Variants in NTN4 observed in about 807,000 individuals in gnomAD.
NTN4 encodes netrin-4.
A neutral mutation model predicts 73.6 loss-of-function variants in NTN4; 32 were observed. The ratio of observed to expected loss-of-function variants is 0.44; its 90% CI spans 0.33 to 0.58. The LOEUF is 0.58. NTN4 is among the 20% of genes least tolerant of loss of function. The probability of loss-of-function intolerance (pLI) is 0.04; values close to 1 mark genes in which losing one functional copy is unlikely to be tolerated. For missense variants in NTN4, 654 were observed against 798.3 expected (o/e 0.82, Z 2.18); for synonymous variants, 258 against 287.5 (o/e 0.90, Z 1.04).
chr12:95,785,925 G>A (rs888477643), intron 2 of NTN4, among the ~76,000 whole-genome samples: 4 of 152,108 alleles, frequency 2.6e-5, no homozygotes, highest in African/African-American at 9.7e-5. Flanking sequence ...GGTGGGGAAC[G>A]CTATTTTGTG....
intron 2 of NTN4, among the ~76,000 whole-genome samples, chr12:95,786,576 C>T (rs2079168760): frequency 6.6e-6 from 1 of 151,920 alleles, no homozygotes; most frequent in South Asian, 2.1e-4. Context: ...CAGGAAGATA[C>T]CCGTGTGGGC....
chr12:95,721,415 A>G (rs2078646883), intron 3 of NTN4, among the ~76,000 whole-genome samples: 1 of 152,120 alleles, frequency 6.6e-6, no homozygotes, highest in African/African-American at 2.4e-5. Flanking sequence ...ATACTTTTTG[A>G]TCTTCACTGG....
intron 8 of NTN4, 93 bp downstream of exon 8, chr12:95,669,985 A>T (rs1174033605): frequency 1.5e-6 from 1 of 663,578 alleles, no homozygotes; most frequent in Non-Finnish European, 2.6e-6. Flanking sequence ...TCATTTATAC[A>T]CAATGTCATC....
intron 3 of NTN4, among the ~76,000 whole-genome samples, chr12:95,719,215 G>A (rs2078628719): frequency 6.6e-6 from 1 of 152,128 alleles, no homozygotes; most frequent in Non-Finnish European, 1.5e-5. Flanking sequence ...TTGTGCTACT[G>A]TGTCATTATT....
Position 95,759,490 on chromosome 12 carries a change from TG to T in NTN4, c.586-21347del, listed in dbSNP as rs373367760. Reference sequence around the variant, plus strand: ...TACTGTCAGTCCCTAGTAGTATTTTTGTTTTTTTTTTTTTTTGAGATGGGGT... The same window carrying T: ...TACTGTCAGTCCCTAGTAGTATTTTTTTTTTTTTTTTTTTTGAGATGGGGT... On this transcript the variant is annotated intron_variant, in intron 2 of 9. Transcript: ENST00000343702. 2.7e-3 allele frequency among the ~76,000 whole-genome samples: 367 copies of T among 134,424 alleles called. 12 individuals are homozygous for T. Among genetic ancestry groups the T allele is most frequent in the East Asian group, 0.018 (88 of 4,996 alleles). The allele number at this position is 134,424 out of a possible 152,430, so 88.2% of individuals were successfully genotyped here.
chr12:95,699,103 CACAA>C (rs2078463893), intron 5 of NTN4, among the ~76,000 whole-genome samples: 2 of 150,832 alleles, frequency 1.3e-5, no homozygotes, highest in South Asian at 2.1e-4. Flanking sequence ...GTGTGGTTTC[CACAA>C]ACAGTTACTT....
chr12:95,723,485 A>C (rs2078665432), intron 3 of NTN4, among the ~76,000 whole-genome samples: 1 of 151,904 alleles, frequency 6.6e-6, no homozygotes, highest in African/African-American at 2.4e-5. Context: ...CTTCATATTG[A>C]CTTGTTTTGC....
In NTN4 at chr12:95,713,315, C is replaced by T. The variant is rs1400366864; in HGVS notation, c.888G>A (p.Lys296=). 6.2e-7 allele frequency: 1 copy of T among 1,605,820 alleles called. No homozygotes were observed. Among genetic ancestry groups the T allele is most frequent in the African/African-American group, 1.3e-5 (1 of 74,930 alleles). The part of the protein sequence containing the change: ...FHMVHGKCMC[K]HNTAGSHCQH... Reference sequence around the variant, plus strand: ...GGCAGTGGCTGCCTGCTGTGTTGTGCTTACACATACACTTCCCATGGACCT... The same window carrying T: ...GGCAGTGGCTGCCTGCTGTGTTGTGTTTACACATACACTTCCCATGGACCT... The change falls in exon 4 of 10, where the codon AAG becomes AAA. Residue 296 remains lysine, a synonymous_variant. Coordinates refer to ENST00000343702, the MANE Select transcript of NTN4 (RefSeq NM_021229.4).
chr12:95,688,643 T>C (rs1324296343), intron 5 of NTN4, among the ~76,000 whole-genome samples: 1 of 151,996 alleles, frequency 6.6e-6, no homozygotes, highest in East Asian at 1.9e-4. Context: ...GAGGGCTAGA[T>C]GAAACTTCCC....
intron 5 of NTN4, among the ~76,000 whole-genome samples, chr12:95,702,364 A>C (rs992799322): frequency 2.6e-5 from 4 of 151,940 alleles, no homozygotes; most frequent in Non-Finnish European, 5.9e-5. Flanking sequence ...ACAGGAAAAA[A>C]CAGAAACAGC....
rs1206859752 is a variant in NTN4 at position 95,682,839 on chromosome 12, T to C, written c.1395-17A>G. ...TCTGTGTGGCTAACAAAATAGAACA[T>C]GATAAAGAACGTATTCAGGAATTTT... On this transcript the variant is annotated splice_polypyrimidine_tract_variant and intron_variant, in intron 6 of 9. Transcript: ENST00000343702. 4.0e-6 allele frequency: 6 copies of C among 1,486,990 alleles called. No homozygotes were observed. Among genetic ancestry groups the C allele is most frequent in the East Asian group, 2.3e-5 (1 of 44,118 alleles). 92.1% of individuals were successfully genotyped at this position (1,486,990 alleles called of 1,614,324 possible). A position where few individuals can be genotyped will look rare whatever the true frequency, so the allele number is the denominator to read the frequency against.
intron 2 of NTN4, among the ~76,000 whole-genome samples, chr12:95,777,965 C>T (rs1378243872): frequency 2.6e-5 from 4 of 152,186 alleles, no homozygotes; most frequent in Non-Finnish European, 5.9e-5. Context: ...AACTGTCTCT[C>T]AGACCACAGT....
At chr12:95,786,889 T>A (rs563368928) in intron 2 of NTN4, 50 bp downstream of exon 2, 1 of 1,493,014 alleles carries the variant, frequency 6.7e-7, no homozygotes, top group East Asian at 2.3e-5. Flanking sequence ...TGCGGGCTGG[T>A]AACATTTTTC....
intron 9 of NTN4, among the ~76,000 whole-genome samples, chr12:95,664,144 C>G (rs1199998092): frequency 6.6e-6 from 1 of 152,058 alleles, no homozygotes; most frequent in African/African-American, 2.4e-5. Flanking sequence ...GTTTTGACCT[C>G]CCCGGCTCAA....
chr12:95,741,640 A>ATATAT (rs60422501), intron 2 of NTN4, among the ~76,000 whole-genome samples: 325 of 144,766 alleles, frequency 2.2e-3, no homozygotes, highest in Non-Finnish European at 4.0e-3. Context: ...TATATATATA[A>ATATAT]AAATTATATA....
intron 7 of NTN4, among the ~76,000 whole-genome samples, chr12:95,674,865 TGA>T (rs1164151400): frequency 6.6e-6 from 1 of 152,226 alleles, no homozygotes; most frequent in African/African-American, 2.4e-5. Context: ...GCTGTGGACA[TGA>T]GAGTCTGCAG....
chr12:95,775,289 C>T (rs1298856857), intron 2 of NTN4, among the ~76,000 whole-genome samples: 2 of 152,190 alleles, frequency 1.3e-5, no homozygotes, highest in African/African-American at 4.8e-5. Context: ...GCATTTCCAA[C>T]TGAGGTACCG....
At chr12:95,744,406 T>C (rs372574140) in intron 2 of NTN4, among the ~76,000 whole-genome samples, 22 of 152,358 alleles carry the variant, frequency 1.4e-4, no homozygotes, top group African/African-American at 5.3e-4. Context: ...TAAAGTGAGC[T>C]TCTTATAGGC....
intron 3 of NTN4, among the ~76,000 whole-genome samples, chr12:95,729,207 A>G (rs1229602328): frequency 6.6e-6 from 1 of 151,406 alleles, no homozygotes; most frequent in Non-Finnish European, 1.5e-5. Flanking sequence ...TAATGTTTAT[A>G]TTATATATAA....
Sources: allele counts gnomAD v4.1 joint callset (sites outside exome capture counted in the v4.1 genomes callset), GRCh38; gene constraint gnomAD v4.1.1; transcripts MANE v1.5; gene names NCBI Gene and HGNC (gene_info 2026-07-23, HGNC 2026-07-21).